NPAS3: variants seen among roughly 807,000 people sequenced by gnomAD.
NPAS3 encodes the protein neuronal PAS domain protein 3.
In NPAS3, 14 loss-of-function variants were observed where a neutral mutation model predicts 73.1. That is an observed-to-expected ratio of 0.19 (90% confidence interval 0.13 to 0.30). The LOEUF (loss-of-function observed/expected upper bound fraction) is 0.30. Ranked by LOEUF, NPAS3 falls within the 10% of genes least tolerant of loss-of-function variation. The pLI, the probability that NPAS3 is intolerant of heterozygous loss-of-function variation, is 1.00. For synonymous variants in NPAS3, 620 were observed against 541.5 expected, an observed-to-expected ratio of 1.14 and a Z score of -2.01; for missense variants, 1,096 against 1,250.0, an observed-to-expected ratio of 0.88 and a Z score of 1.86.
chr14:33,719,778 C>T (rs575672635), intron 6 of NPAS3, among the ~76,000 whole-genome samples: 1 of 152,266 alleles, frequency 6.6e-6, no homozygotes, highest in South Asian at 2.1e-4. Context: ...AGTGAACCGT[C>T]ATATGGTAAA....
At chr14:33,290,679 AT>A (rs1168937847) in intron 3 of NPAS3, among the ~76,000 whole-genome samples, 4 of 152,182 alleles carry the variant, frequency 2.6e-5, no homozygotes, top group Non-Finnish European at 5.9e-5. Flanking sequence ...CTAAAAAAGA[AT>A]TTTTTAAAAT....
chr14:33,768,762 T>C (rs1335547602), intron 7 of NPAS3, among the ~76,000 whole-genome samples: 2 of 152,226 alleles, frequency 1.3e-5, no homozygotes, highest in Non-Finnish European at 2.9e-5. Flanking sequence ...TGTTTCCCAA[T>C]ACAATGTTAT....
chr14:33,119,869 GA>G (rs2043178866), intron 2 of NPAS3, among the ~76,000 whole-genome samples: 1 of 152,090 alleles, frequency 6.6e-6, no homozygotes. Context: ...GATAAAATTT[GA>G]AATGATAAAC....
At chr14:33,045,867 T>C (rs1419472813) in intron 1 of NPAS3, among the ~76,000 whole-genome samples, 2 of 152,164 alleles carry the variant, frequency 1.3e-5, no homozygotes, top group East Asian at 1.9e-4. Context: ...CCAGGCTGAG[T>C]TGACTCTTCT....
At chr14:33,725,025 A>C (rs10498321) in intron 6 of NPAS3, among the ~76,000 whole-genome samples, 18,445 of 152,226 alleles carry the variant, frequency 0.12, 1,291 homozygotes, top group Middle Eastern at 0.22. Context: ...TGATGTAATA[A>C]TACGGACAAA....
chr14:33,081,389 C>A (rs2041858826), intron 2 of NPAS3, among the ~76,000 whole-genome samples: 1 of 151,504 alleles, frequency 6.6e-6, no homozygotes, highest in East Asian at 1.9e-4. Context: ...TTTTCCCCAG[C>A]TTATTCTCAA....
intron 3 of NPAS3, among the ~76,000 whole-genome samples, chr14:33,259,155 C>T (rs1291958008): frequency 2.0e-5 from 3 of 152,322 alleles, no homozygotes; most frequent in African/African-American, 7.2e-5. Context: ...ATTGCCTTCA[C>T]TCTGGAATCT....
intron 3 of NPAS3, among the ~76,000 whole-genome samples, chr14:33,301,008 T>G (rs1396900014): frequency 1.3e-5 from 2 of 151,960 alleles, no homozygotes; most frequent in African/African-American, 2.4e-5. Flanking sequence ...CAGGTGGCTT[T>G]GATATTTTCT....
intron 7 of NPAS3, among the ~76,000 whole-genome samples, chr14:33,737,599 A>C (rs547845046): frequency 4.8e-4 from 73 of 152,264 alleles, no homozygotes; most frequent in African/African-American, 1.6e-3. Context: ...TTCCCCAGTA[A>C]GATGAATCAT....
At chr14:33,391,147 A>G (rs965854403) in intron 4 of NPAS3, among the ~76,000 whole-genome samples, 1 of 151,964 alleles carries the variant, frequency 6.6e-6, no homozygotes, top group East Asian at 1.9e-4. Flanking sequence ...AGAGACAATA[A>G]TAGACATTTA....
At chr14:33,336,303 A>G (rs1328395234) in intron 3 of NPAS3, among the ~76,000 whole-genome samples, 1 of 152,264 alleles carries the variant, frequency 6.6e-6, no homozygotes, top group South Asian at 2.1e-4. Context: ...CTGAAATTAA[A>G]CTTGCATGGG....
intron 11 of NPAS3, among the ~76,000 whole-genome samples, chr14:33,797,934 A>G (rs1260016929): frequency 6.6e-6 from 1 of 151,938 alleles, no homozygotes; most frequent in Non-Finnish European, 1.5e-5. Context: ...GATCTGACAG[A>G]TCTCTTTCTT....
chr14:33,755,450 A>G (rs2062086289), intron 7 of NPAS3, among the ~76,000 whole-genome samples: 1 of 152,206 alleles, frequency 6.6e-6, no homozygotes, highest in South Asian at 2.1e-4. Flanking sequence ...TTCATAAAAT[A>G]AAAGTAGGAA....
At chr14:33,122,176 T>A (rs1176057598) in intron 2 of NPAS3, among the ~76,000 whole-genome samples, 2 of 152,192 alleles carry the variant, frequency 1.3e-5, no homozygotes, top group African/African-American at 4.8e-5. Flanking sequence ...GCCTTTCTGA[T>A]TCTGGAGCAG....
At chr14:33,587,189 A>G (rs140652731) in intron 5 of NPAS3, among the ~76,000 whole-genome samples, 8 of 152,276 alleles carry the variant, frequency 5.3e-5, no homozygotes, top group East Asian at 1.9e-4. Flanking sequence ...TCTGTTGTCA[A>G]TTGATCAAGA....
At chr14:33,239,885 A>G (rs1353771108) in intron 3 of NPAS3, among the ~76,000 whole-genome samples, 2 of 151,728 alleles carry the variant, frequency 1.3e-5, no homozygotes, top group African/African-American at 4.8e-5. Context: ...TAATTGAGTT[A>G]AACAGTGCAG....
At chr14:33,642,794 C>T (rs2058710133) in intron 5 of NPAS3, among the ~76,000 whole-genome samples, 1 of 152,144 alleles carries the variant, frequency 6.6e-6, no homozygotes, top group African/African-American at 2.4e-5. Context: ...AACCTCTCTT[C>T]CGGTGGTTTT....
At chr14:33,080,121 T>A (rs1464711030) in intron 2 of NPAS3, among the ~76,000 whole-genome samples, 1 of 152,096 alleles carries the variant, frequency 6.6e-6, no homozygotes, top group Non-Finnish European at 1.5e-5. Context: ...TTTTTAATTT[T>A]TTTGGGACGG....
In NPAS3 at chr14:33,505,282, G is replaced by A. The variant is rs17101362; in HGVS notation, c.469-54839G>A. Reference sequence around the variant, plus strand: ...AGATAAATATTATAGCCACATAATAGGTCCACAATTGATGGCAGTTGAATT... The same window carrying A: ...AGATAAATATTATAGCCACATAATAAGTCCACAATTGATGGCAGTTGAATT... On this transcript the variant is annotated intron_variant, in intron 4 of 11. Coordinates refer to ENST00000356141, the Ensembl canonical transcript of NPAS3. Among the ~76,000 whole-genome samples, 805 of 151,544 alleles carry A rather than the reference G, an allele frequency of 5.3e-3. 47 individuals are homozygous for A. In the East Asian group the frequency reaches 0.12, roughly 23 times the overall value.
Sources: gnomAD v4.1 joint callset for allele counts (sites outside exome capture counted in the v4.1 genomes callset) on GRCh38, gnomAD v4.1.1 for gene constraint, MANE v1.5 for transcripts, NCBI Gene and HGNC (gene_info 2026-07-23, HGNC 2026-07-21) for gene names.